Variants in SNX24 observed in about 807,000 individuals in gnomAD.
The protein encoded by SNX24 is sorting nexin 24, also known as sorting nexin-24.
In SNX24, 22 loss-of-function variants were observed where a neutral mutation model predicts 28.7. The ratio of observed to expected loss-of-function variants is 0.77; its 90% CI spans 0.55 to 1.10. The LOEUF is 1.10. Among genes scored for constraint, SNX24 ranks in the 50% least tolerant of loss-of-function variants. The pLI is 0.00. For missense variants in SNX24, 221 were observed against 201.1 expected (o/e 1.10, Z -0.60); for synonymous variants, 69 against 71.5 (o/e 0.96, Z 0.18).
chr5:122,926,247 G>GTGCCTATTATAGT (rs1758689612), intron 1 of SNX24, among the ~76,000 whole-genome samples: 1 of 152,200 alleles, frequency 6.6e-6, no homozygotes, highest in Admixed American at 6.5e-5. Context: ...GTGAGGGAAC[G>GTGCCTATTATAGT]TGCCTATTAT....
chr5:122,969,539 A>T (rs1180038755), intron 3 of SNX24, among the ~76,000 whole-genome samples: 1 of 152,120 alleles, frequency 6.6e-6, no homozygotes, highest in Non-Finnish European at 1.5e-5. Context: ...CCCTTGCAGG[A>T]TTCAGGATGA....
intron 3 of SNX24, among the ~76,000 whole-genome samples, chr5:122,948,952 C>G (rs1022123349): frequency 6.6e-6 from 1 of 152,130 alleles, no homozygotes; most frequent in Admixed American, 6.5e-5. Flanking sequence ...ACTATCATCC[C>G]CCAACTCCCT....
At chr5:122,847,873 C>T (rs1037591422) in intron 1 of SNX24, among the ~76,000 whole-genome samples, 1 of 152,058 alleles carries the variant, frequency 6.6e-6, no homozygotes, top group African/African-American at 2.4e-5. Context: ...CTCTGCACAA[C>T]TGGTTTTATG....
intron 3 of SNX24, among the ~76,000 whole-genome samples, chr5:122,960,437 A>G (rs909642163): frequency 1.3e-5 from 2 of 152,232 alleles, no homozygotes; most frequent in African/African-American, 4.8e-5. Context: ...GAGTGTACTC[A>G]TGGACTTGTT....
chr5:123,007,604 C>T, intron 6 of SNX24, 78 bp from the exon 7 acceptor site: 1 of 1,263,924 alleles, frequency 7.9e-7, no homozygotes, highest in Non-Finnish European at 1.1e-6. Context: ...TTCCATTCTA[C>T]AGAATGCAAT....
chr5:122,993,001 A>T (rs1453029838), intron 3 of SNX24, among the ~76,000 whole-genome samples: 5 of 147,858 alleles, frequency 3.4e-5, no homozygotes, highest in African/African-American at 1.0e-4. Context: ...GCCAAATTAT[A>T]TTATTTCTTT....
At chr5:122,919,720 C>T (rs1420979107) in intron 1 of SNX24, among the ~76,000 whole-genome samples, 3 of 152,086 alleles carry the variant, frequency 2.0e-5, no homozygotes, top group African/African-American at 7.2e-5. Flanking sequence ...ATTCACCTGT[C>T]AGAGAGACAG....
At chr5:122,888,172 T>G (rs897409385) in intron 1 of SNX24, among the ~76,000 whole-genome samples, 2 of 152,236 alleles carry the variant, frequency 1.3e-5, no homozygotes, top group Admixed American at 1.3e-4. Flanking sequence ...TATTTGCATT[T>G]TTTTGATTAT....
At chr5:122,852,502 T>G (rs1184874958) in intron 1 of SNX24, among the ~76,000 whole-genome samples, 1 of 151,996 alleles carries the variant, frequency 6.6e-6, no homozygotes, top group African/African-American at 2.4e-5. Context: ...TGCCATCATG[T>G]CCGGCAAATT....
In SNX24 at chr5:123,000,418, C is replaced by G. The variant is rs371722010; in HGVS notation, c.344+412C>G. 1.1e-4 allele frequency among the ~76,000 whole-genome samples: 16 copies of G among 152,320 alleles called. 2 individuals are homozygous for G. Among genetic ancestry groups the G allele is most frequent in the East Asian group, 3.9e-4 (2 of 5,180 alleles). ...TGATCTTAGAGATGATTTGATGCAA[C>G]TCCTCTCATTTTGTAGTTGAGCAAA... is the stretch of plus-strand genomic sequence containing the variant. On this transcript the variant is annotated intron_variant, in intron 4 of 6. Transcript: ENST00000261369.
chr5:122,895,292 A>G (rs1435919477), intron 1 of SNX24, among the ~76,000 whole-genome samples: 3 of 152,204 alleles, frequency 2.0e-5, no homozygotes, highest in Admixed American at 6.5e-5. Flanking sequence ...TTCCATGATT[A>G]ACTTATGCAT....
chr5:122,853,901 C>T (rs539829942), intron 1 of SNX24: 1 of 156,698 alleles, frequency 6.4e-6, no homozygotes, highest in African/African-American at 2.4e-5. Flanking sequence ...CTACTTAAAA[C>T]ACAAGCTAGC....
At chr5:122,848,052 A>G (rs1452696809) in intron 1 of SNX24, among the ~76,000 whole-genome samples, 1 of 152,196 alleles carries the variant, frequency 6.6e-6, no homozygotes, top group Non-Finnish European at 1.5e-5. Flanking sequence ...TTGTAAAATA[A>G]TGTACACTTT....
chr5:122,919,718 G>T (rs1476010292), intron 1 of SNX24, among the ~76,000 whole-genome samples: 3 of 152,082 alleles, frequency 2.0e-5, no homozygotes, highest in African/African-American at 7.2e-5. Context: ...TTATTCACCT[G>T]TCAGAGAGAC....
At chr5:122,876,408 T>C (rs1199697713) in intron 1 of SNX24, among the ~76,000 whole-genome samples, 13 of 152,202 alleles carry the variant, frequency 8.5e-5, no homozygotes, top group Admixed American at 7.8e-4. Context: ...GGTAATGCTG[T>C]AAGATAGTTC....
intron 1 of SNX24, among the ~76,000 whole-genome samples, chr5:122,911,920 T>C (rs1018196699): frequency 6.7e-6 from 1 of 149,794 alleles, no homozygotes; most frequent in African/African-American, 2.5e-5. Context: ...TCCAGCTTTG[T>C]TCTTTTGGCT....
chr5:123,012,009 TTATGA>T (rs1243511267), downstream of SNX24, among the ~76,000 whole-genome samples: 2 of 152,160 alleles, frequency 1.3e-5, 1 homozygote, highest in Admixed American at 1.3e-4. Context: ...GCTGCTGTTC[TTATGA>T]TAGTGAGTGA....
intron 1 of SNX24, among the ~76,000 whole-genome samples, chr5:122,910,931 G>A (rs1223536866): frequency 7.9e-5 from 12 of 152,076 alleles, no homozygotes; most frequent in African/African-American, 1.9e-4. Context: ...ATAAACATAC[G>A]TGTGCATGTG....
chr5:122,856,924 C>T (rs1755220743), intron 1 of SNX24, among the ~76,000 whole-genome samples: 1 of 152,206 alleles, frequency 6.6e-6, no homozygotes, highest in South Asian at 2.1e-4. Flanking sequence ...GGGGTCTCCT[C>T]AGTATCTTTC....
Sources: gnomAD v4.1 joint callset for allele counts (sites outside exome capture counted in the v4.1 genomes callset) on GRCh38, gnomAD v4.1.1 for gene constraint, MANE v1.5 for transcripts, NCBI Gene and HGNC (gene_info 2026-07-23, HGNC 2026-07-21) for gene names.